FYB1: variants seen among roughly 807,000 people sequenced by gnomAD.
FYB1 encodes the protein FYN binding protein 1, also known as FYN-binding protein 1.
FYB1 carries 41 observed loss-of-function variants against 94.1 expected under a neutral mutation model. That is an observed-to-expected ratio of 0.44 (90% confidence interval 0.34 to 0.57). FYB1 has a LOEUF of 0.57. Ranked by LOEUF, FYB1 falls within the 20% of genes least tolerant of loss-of-function variation. FYB1 has a pLI of 0.02. For missense variants in FYB1, 1,050 were observed against 976.8 expected, an observed-to-expected ratio of 1.07 and a Z score of -1.00; for synonymous variants, 367 against 353.2, an observed-to-expected ratio of 1.04 and a Z score of -0.44.
chr5:39,140,725 A>G (rs537302091), intron 4 of FYB1, among the ~76,000 whole-genome samples: 1 of 152,340 alleles, frequency 6.6e-6, no homozygotes, highest in South Asian at 2.1e-4. Flanking sequence ...GTTAACAGTA[A>G]CAGGCTAAAC....
At chr5:39,212,938 C>T (rs1263706306) in intron 1 of FYB1, 3 of 151,390 alleles carry the variant, frequency 2.0e-5, no homozygotes, top group Non-Finnish European at 4.4e-5. Flanking sequence ...TAGTGTGTGG[C>T]ACTTTTCCAT....
At position 39,141,144 on chromosome 5, in the gene FYB1, GAAA is replaced by G. The variant is rs1246795326; in HGVS notation, c.1293-6_1293-4del. On this transcript the variant is annotated splice_polypyrimidine_tract_variant and splice_region_variant and intron_variant, in intron 3 of 18. Coordinates refer to ENST00000512982, the MANE Select transcript of FYB1 (RefSeq NM_001465.6). ...GATTGTCTTCATTGACAGGGCTTCT[GAAA>G]ACGAGAAAGAAGAAACAGTGAACAT... 6.3e-7 allele frequency: 1 copy of G among 1,584,258 alleles called. No individual in the cohort carries two copies. Among genetic ancestry groups the G allele is most frequent in the Non-Finnish European group, 8.6e-7 (1 of 1,161,238 alleles).
chr5:39,240,573 C>T (rs1364574774), intron 1 of FYB1, among the ~76,000 whole-genome samples: 1 of 152,068 alleles, frequency 6.6e-6, no homozygotes, highest in Non-Finnish European at 1.5e-5. Flanking sequence ...TGAAAAAATG[C>T]TCAACAATAC....
chr5:39,208,800 A>T (rs1749085147), intron 1 of FYB1: 1 of 152,194 alleles, frequency 6.6e-6, no homozygotes, highest in Non-Finnish European at 1.5e-5. Flanking sequence ...CAAAGGCCTG[A>T]CCAGGAGGTG....
intron 1 of FYB1, among the ~76,000 whole-genome samples, chr5:39,242,463 A>C (rs1561302173): frequency 6.6e-6 from 1 of 152,166 alleles, no homozygotes; most frequent in Non-Finnish European, 1.5e-5. Flanking sequence ...TACAAAGGAC[A>C]TGAACTCATC....
chr5:39,172,826 T>A (rs1404911553), intron 2 of FYB1, among the ~76,000 whole-genome samples: 1 of 152,242 alleles, frequency 6.6e-6, no homozygotes, highest in East Asian at 1.9e-4. Flanking sequence ...ATATATACCA[T>A]ATTTTCTTTA....
At chr5:39,222,726 C>T (rs181037205), upstream of FYB1, among the ~76,000 whole-genome samples, 2 of 152,234 alleles carry the variant, frequency 1.3e-5, no homozygotes, top group East Asian at 3.9e-4. Flanking sequence ...TAGATACTTG[C>T]TCAAATTTAT....
intron 2 of FYB1, among the ~76,000 whole-genome samples, chr5:39,179,040 G>T (rs1654671105): frequency 6.6e-6 from 1 of 152,172 alleles, no homozygotes; most frequent in Non-Finnish European, 1.5e-5. Context: ...GCTAACAAGA[G>T]TCCTTTTAAG....
At position 39,124,385 on chromosome 5, in the gene FYB1, G is replaced by T. The variant is rs561854805; in HGVS notation, c.2046-107C>A. 29 of 596,196 alleles carry T rather than the reference G, an allele frequency of 4.9e-5. No individual in the cohort carries two copies. In the African/African-American group the frequency reaches 5.1e-4, roughly 11 times the overall value. 36.9% of individuals were successfully genotyped at this position (596,196 alleles called of 1,614,324 possible). On this transcript the variant is annotated intron_variant, in intron 12 of 18. Coordinates refer to ENST00000512982, the MANE Select transcript of FYB1 (RefSeq NM_001465.6). ...GGGCAATAGCCTAGAGGCATATTGG[G>T]TTACTTCATCTGTTGACCATCATTT...
At chr5:39,145,952 G>A (rs1367874393) in intron 3 of FYB1, among the ~76,000 whole-genome samples, 1 of 145,414 alleles carries the variant, frequency 6.9e-6, no homozygotes, top group Admixed American at 7.0e-5. Flanking sequence ...TCACTCTGTT[G>A]CCCAGGCTGG....
chr5:39,169,176 G>C lies in FYB1; in HGVS notation c.1136-15572C>G, dbSNP rs1052406599. On this transcript the variant is annotated intron_variant, in intron 2 of 18. Transcript: ENST00000512982. ...CTTGCAGATCCCAAGTTTAGAAAAA[G>C]ACAACTAATCATTGCAACATCTGGG... The C allele has an allele frequency of 1.0e-5, 8 of 787,226 alleles. No individual in the cohort carries two copies. In the African/African-American group the frequency reaches 1.3e-4, roughly 13 times the overall value. The allele number at this position is 787,226 out of a possible 1,614,324, so 48.8% of individuals were successfully genotyped here. A position where few individuals can be genotyped will look rare whatever the true frequency, so the allele number is the denominator to read the frequency against.
intron 1 of FYB1, among the ~76,000 whole-genome samples, chr5:39,215,308 A>G (rs901577220): frequency 9.8e-5 from 15 of 152,374 alleles, no homozygotes; most frequent in African/African-American, 3.6e-4. Flanking sequence ...GAATAAAATA[A>G]TAAAAAATCC....
At chr5:39,270,050 G>A (rs1050523903) in intron 1 of FYB1, among the ~76,000 whole-genome samples, 4 of 152,162 alleles carry the variant, frequency 2.6e-5, no homozygotes, top group Admixed American at 6.5e-5. Context: ...TTAATTTTGA[G>A]AAGACAATCT....
chr5:39,137,747 T>C, intron 6 of FYB1, 27 bp from the exon 7 acceptor site: 1 of 1,550,580 alleles, frequency 6.4e-7, no homozygotes, highest in East Asian at 2.4e-5. Flanking sequence ...TTAGGTTGTT[T>C]TCACATCTGC....
At chr5:39,203,517 A>G (rs1748568921) in intron 1 of FYB1, among the ~76,000 whole-genome samples, 1 of 152,080 alleles carries the variant, frequency 6.6e-6, no homozygotes, top group Admixed American at 6.6e-5. Flanking sequence ...TTCTATCCAC[A>G]TTGAAGTTCT....
chr5:39,198,699 T>C (rs1748042171), intron 2 of FYB1, among the ~76,000 whole-genome samples: 2 of 152,184 alleles, frequency 1.3e-5, no homozygotes, highest in Admixed American at 6.6e-5. Context: ...CTAATGTAAG[T>C]GTTCAGAGCA....
At chr5:39,175,205 G>A (rs896653191) in intron 2 of FYB1, among the ~76,000 whole-genome samples, 6 of 152,168 alleles carry the variant, frequency 3.9e-5, no homozygotes, top group African/African-American at 9.6e-5. Flanking sequence ...CACTACATTG[G>A]CTATTCAACC....
intron 2 of FYB1, 90 bp downstream of exon 2, chr5:39,201,736 C>A: frequency 8.6e-7 from 1 of 1,168,910 alleles, no homozygotes; most frequent in Non-Finnish European, 1.2e-6. Flanking sequence ...TATAGAGAAT[C>A]ATTCCTTGTT....
intron 1 of FYB1, among the ~76,000 whole-genome samples, chr5:39,268,199 C>A (rs948888295): frequency 2.6e-5 from 4 of 151,558 alleles, no homozygotes; most frequent in African/African-American, 9.7e-5. Flanking sequence ...TTATAGAACA[C>A]GCTTAATGTT....
Sources: allele counts gnomAD v4.1 joint callset (sites outside exome capture counted in the v4.1 genomes callset), GRCh38; gene constraint gnomAD v4.1.1; transcripts MANE v1.5; gene names NCBI Gene and HGNC (gene_info 2026-07-23, HGNC 2026-07-21).